The following FAR2 variants were observed in gnomAD, a reference collection of about 807,000 sequenced individuals.
FAR2 encodes the protein epididymis secretory protein Li 81.
A neutral mutation model predicts 56.0 loss-of-function variants in FAR2; 19 were observed. The ratio of observed to expected loss-of-function variants is 0.34; its 90% CI spans 0.24 to 0.50. The LOEUF (loss-of-function observed/expected upper bound fraction) is 0.50. FAR2 is among the 20% of genes least tolerant of loss of function. The probability of loss-of-function intolerance (pLI) is 0.98; values close to 1 mark genes in which losing one functional copy is unlikely to be tolerated. For missense variants in FAR2, 508 were observed against 642.2 expected (o/e 0.79, Z 2.26); for synonymous variants, 219 against 218.8 (o/e 1.00, Z -0.01).
At chr12:29,271,972 C>T (rs1462554331) in intron 2 of FAR2, among the ~76,000 whole-genome samples, 4 of 152,198 alleles carry the variant, frequency 2.6e-5, no homozygotes, top group Non-Finnish European at 4.4e-5. Flanking sequence ...ACACTTGCTC[C>T]TGCCCCACAC....
At position 29,186,698 on chromosome 12, in the gene FAR2, C is replaced by A. The variant is rs936763966; in HGVS notation, c.-39+37291C>A. On this transcript the variant is annotated intron_variant, in intron 1 of 11. Transcript: ENST00000536681. ...CTTTCATTATTTATGTAGGATAGTA[C>A]CTGAGCACAAGTTTCTAGCCCTTCT... Among the ~76,000 whole-genome samples, 64 of 151,946 alleles carry A rather than the reference C, an allele frequency of 4.2e-4. 1 individual carries two copies. Among genetic ancestry groups the A allele is most frequent in the Admixed American group, 3.3e-4 (5 of 15,268 alleles).
intron 2 of FAR2, among the ~76,000 whole-genome samples, chr12:29,285,561 GGGAGGGAA>G (rs1464630290): frequency 6.6e-6 from 1 of 151,226 alleles, no homozygotes; most frequent in Non-Finnish European, 1.5e-5. Flanking sequence ...GAAGAAGGAA[GGGAGGGAA>G]GGAGGGAAGG....
intron 1 of FAR2, among the ~76,000 whole-genome samples, chr12:29,181,577 A>G (rs1332181246): frequency 9.6e-6 from 1 of 104,384 alleles, no homozygotes; most frequent in Non-Finnish European, 2.0e-5. Flanking sequence ...AGACAGTAGA[A>G]AGAACCTGCC....
rs1405698626 is a variant in FAR2 at position 29,308,713 on chromosome 12, C to CATATATAT, written c.724-472_724-471insTATATATA. The stretch of plus-strand genomic sequence containing the variant: ...AGACACACACACACACACACACACA[C>CATATATAT]ACACACATATATATATATATGTATA... On this transcript the variant is annotated intron_variant, in intron 5 of 11. Transcript: ENST00000536681. Among the ~76,000 whole-genome samples, 613 of 123,894 alleles carry CATATATAT rather than the reference C, an allele frequency of 4.9e-3. 11 individuals are homozygous for CATATATAT. Among genetic ancestry groups the CATATATAT allele is most frequent in the African/African-American group, 0.019 (573 of 29,600 alleles). The allele number at this position is 123,894 out of a possible 152,430, so 81.3% of individuals were successfully genotyped here.
intron 6 of FAR2, among the ~76,000 whole-genome samples, chr12:29,310,144 G>T (rs1435072810): frequency 6.6e-6 from 1 of 152,024 alleles, no homozygotes; most frequent in Non-Finnish European, 1.5e-5. Flanking sequence ...CAAAAGTTCA[G>T]TTGGGGTGAA....
intron 4 of FAR2, among the ~76,000 whole-genome samples, chr12:29,299,053 A>ATTTATATTTGTATTT (rs1949115834): frequency 6.6e-6 from 1 of 151,904 alleles, no homozygotes; most frequent in Non-Finnish European, 1.5e-5. Flanking sequence ...GTCTCTACTA[A>ATTTATATTTGTATTT]ATACAAAAAA....
At chr12:29,183,510 G>C (rs1258146939) in intron 1 of FAR2, among the ~76,000 whole-genome samples, 2 of 152,160 alleles carry the variant, frequency 1.3e-5, no homozygotes, top group Non-Finnish European at 2.9e-5. Context: ...CTATATGAAT[G>C]AAGTCTGAAT....
At chr12:29,181,872 G>C (rs1432953412) in intron 1 of FAR2, among the ~76,000 whole-genome samples, 2 of 152,236 alleles carry the variant, frequency 1.3e-5, no homozygotes, top group Non-Finnish European at 1.5e-5. Context: ...GCAATCTGGA[G>C]ATTTTTAGGC....
intron 1 of FAR2, among the ~76,000 whole-genome samples, chr12:29,186,991 T>C (rs1950050529): frequency 1.3e-5 from 2 of 152,062 alleles, no homozygotes; most frequent in South Asian, 4.1e-4. Flanking sequence ...GGTTTCACCG[T>C]GTTAGCCAGG....
chr12:29,272,270 A>G (rs775034758), intron 2 of FAR2, among the ~76,000 whole-genome samples: 2 of 152,140 alleles, frequency 1.3e-5, no homozygotes, highest in Non-Finnish European at 1.5e-5. Context: ...TGGTACTGCA[A>G]TCAATTGTAG....
At chr12:29,235,335 G>A (rs1759586616) in intron 1 of FAR2, among the ~76,000 whole-genome samples, 1 of 152,152 alleles carries the variant, frequency 6.6e-6, no homozygotes, top group African/African-American at 2.4e-5. Flanking sequence ...TTTAATAAGT[G>A]CCAATTAGAA....
At chr12:29,308,931 AC>A (rs1949301549) in intron 5 of FAR2, among the ~76,000 whole-genome samples, 1 of 152,138 alleles carries the variant, frequency 6.6e-6, no homozygotes, top group Non-Finnish European at 1.5e-5. Flanking sequence ...ATAAAACACC[AC>A]AAAACCATTC....
In FAR2 at chr12:29,211,019, A is replaced by ATG. The variant is rs545595467; in HGVS notation, c.-38-59380_-38-59379dup. On this transcript the variant is annotated intron_variant, in intron 1 of 11. Coordinates refer to ENST00000536681, the MANE Select transcript of FAR2 (RefSeq NM_001271783.2). Reference sequence around the variant, plus strand: ...TTTCATGCCTATAGTGTGTGTGTGTATGTGTGTGTGTGTGCATATATATAT... The same window carrying ATG: ...TTTCATGCCTATAGTGTGTGTGTGTATGTGTGTGTGTGTGTGCATATATATAT... Among the ~76,000 whole-genome samples, 224 of 150,890 alleles carry ATG rather than the reference A, an allele frequency of 1.5e-3. 1 individual carries two copies. The South Asian group carries it at 0.021, about 14-fold the overall frequency.
At chr12:29,208,399 T>A (rs1178279814) in intron 1 of FAR2, among the ~76,000 whole-genome samples, 2 of 152,234 alleles carry the variant, frequency 1.3e-5, no homozygotes, top group Non-Finnish European at 2.9e-5. Flanking sequence ...TCCTACTACT[T>A]GGTCCATTGA....
At chr12:29,304,167 C>G (rs1162203837) in intron 4 of FAR2, among the ~76,000 whole-genome samples, 1 of 152,188 alleles carries the variant, frequency 6.6e-6, no homozygotes, top group Non-Finnish European at 1.5e-5. Context: ...CCTTCCTTTC[C>G]CACATTCTCC....
chr12:29,207,128 T>C (rs1947485503), intron 1 of FAR2, among the ~76,000 whole-genome samples: 1 of 152,154 alleles, frequency 6.6e-6, no homozygotes, highest in Non-Finnish European at 1.5e-5. Flanking sequence ...CCAAGGAATT[T>C]GGAAACGTAT....
intron 2 of FAR2, among the ~76,000 whole-genome samples, chr12:29,276,670 G>A (rs2136717159): frequency 6.6e-6 from 1 of 152,270 alleles, no homozygotes; most frequent in Middle Eastern, 3.4e-3. Flanking sequence ...GTGCAAATAA[G>A]GAATTATGCA....
At chr12:29,242,769 C>T (rs985068187) in intron 1 of FAR2, among the ~76,000 whole-genome samples, 2 of 152,132 alleles carry the variant, frequency 1.3e-5, no homozygotes, top group African/African-American at 4.8e-5. Context: ...AAGGAAAAAC[C>T]TCTCTTTTCT....
At chr12:29,175,946 G>C (rs182213903) in intron 1 of FAR2, among the ~76,000 whole-genome samples, 2 of 152,314 alleles carry the variant, frequency 1.3e-5, no homozygotes, top group South Asian at 4.1e-4. Flanking sequence ...TAAAATGCTA[G>C]AGTAAAAATT....
Sources: allele counts gnomAD v4.1 joint callset (sites outside exome capture counted in the v4.1 genomes callset), GRCh38; gene constraint gnomAD v4.1.1; transcripts MANE v1.5; gene names NCBI Gene and HGNC (gene_info 2026-07-23, HGNC 2026-07-21).